The following CTU2 variants were observed in gnomAD, a reference collection of about 807,000 sequenced individuals.
CTU2 encodes the protein cytosolic thiouridylase subunit 2, also known as cytoplasmic tRNA 2-thiolation protein 2.
CTU2 carries 80 observed loss-of-function variants against 64.1 expected under a neutral mutation model. The observed-to-expected ratio is 1.25, with a 90% confidence interval of 1.04 to 1.50. CTU2 has a LOEUF of 1.50. Ranked by LOEUF, CTU2 falls within the 40% of genes most tolerant of loss-of-function variation. CTU2 has a pLI of 0.00. For synonymous variants in CTU2, 482 were observed against 285.3 expected (o/e 1.69, Z -6.95); for missense variants, 1,110 against 690.2 (o/e 1.61, Z -6.81).
At chr16:88,707,777 C>T (rs1188465174) in intron 2 of CTU2, among the ~76,000 whole-genome samples, 10 of 149,634 alleles carry the variant, frequency 6.7e-5, no homozygotes, top group Admixed American at 1.4e-4. Context: ...TCTTAATTCC[C>T]AGTGGTGGTG....
chr16:88,711,904 TC>T (rs1911351291), intron 5 of CTU2, among the ~76,000 whole-genome samples: 1 of 152,192 alleles, frequency 6.6e-6, no homozygotes, highest in Non-Finnish European at 1.5e-5. Flanking sequence ...GCATCACTGT[TC>T]CTGGAATCTA....
chr16:88,706,571 A>G lies in CTU2; in HGVS notation c.41A>G (p.Glu14Gly), dbSNP rs1910847732. 1 of 1,456,278 alleles carries G rather than the reference A, an allele frequency of 6.9e-7. No individual in the cohort carries two copies. Among genetic ancestry groups the G allele is most frequent in the South Asian group, 1.3e-5 (1 of 75,862 alleles). 90.2% of individuals were successfully genotyped at this position (1,456,278 alleles called of 1,614,324 possible). A position where few individuals can be genotyped will look rare whatever the true frequency, so the allele number is the denominator to read the frequency against. ...VGEDYGEPAP[E>G]EPPPAPRPSR... ...GAGGACTACGGGGAGCCGGCGCCTG[A>G]GGAGCCGCCCCCGGCGCCGCGGCCC... Residue 14 changes from glutamate to glycine, a missense_variant, in exon 1 of 15, where the codon GAG becomes GGG. By Grantham distance (98) the Glu-to-Gly change is moderately conservative (BLOSUM62 -2). Transcript: ENST00000453996.
intron 2 of CTU2, chr16:88,709,358 A>G (rs1301322376): frequency 6.5e-6 from 1 of 152,738 alleles, no homozygotes; most frequent in Non-Finnish European, 1.5e-5. Flanking sequence ...TCTGTGAGTG[A>G]GCCTCTTAGC....
At chr16:88,710,376 G>A (rs1911219957) in intron 4 of CTU2, 94 bp downstream of exon 4, 2 of 1,352,858 alleles carry the variant, frequency 1.5e-6, no homozygotes, top group South Asian at 1.2e-5. Flanking sequence ...CTTGGTTGGG[G>A]CTAGAGAGCA....
intron 9 of CTU2, among the ~76,000 whole-genome samples, 178 bp from the exon 10 acceptor site, chr16:88,713,958 G>A (rs1911617718): frequency 6.6e-6 from 1 of 152,180 alleles, no homozygotes; most frequent in African/African-American, 2.4e-5. Flanking sequence ...GGTGACAGGA[G>A]GACCCCACAG....
In CTU2 at chr16:88,706,737, C is replaced by G. The variant is rs966652687; in HGVS notation, c.68+139C>G. 60 of 622,736 alleles carry G rather than the reference C, an allele frequency of 9.6e-5. 1 individual carries two copies. In the South Asian group the frequency reaches 1.4e-3, roughly 15 times the overall value. The allele number at this position is 622,736 out of a possible 1,614,324, so 38.6% of individuals were successfully genotyped here. On this transcript the variant is annotated intron_variant, in intron 1 of 14. Coordinates refer to ENST00000453996, the MANE Select transcript of CTU2 (RefSeq NM_001012759.3). Reference sequence around the variant, plus strand: ...TCGCTCCCTAGCACTCGGGGAATGCCTGTCAAGCGGTGACGGCCACCTAGA... The same window carrying G: ...TCGCTCCCTAGCACTCGGGGAATGCGTGTCAAGCGGTGACGGCCACCTAGA...
At chr16:88,714,794 TC>T (rs1414356695) in intron 12 of CTU2, 57 bp downstream of exon 12, 3 of 1,609,854 alleles carry the variant, frequency 1.9e-6, no homozygotes, top group Non-Finnish European at 2.5e-6. Flanking sequence ...GGGGGACCTG[TC>T]CTTACCCCAC....
Position 88,713,690 on chromosome 16 carries a change from C to A in CTU2, c.917C>A (p.Pro306His). 1 of 1,612,650 alleles carries A rather than the reference C, an allele frequency of 6.2e-7. No homozygotes were observed. The highest frequency in any genetic ancestry group is 8.5e-7 in the Non-Finnish European group (1 of 1,179,892). ...CACGGGGACGTGGTGGTGGTGCGGC[C>A]CATGCGGGACCACACCCTGAAGGAG... ...ERHGDVVVVR[P>H]MRDHTLKEVA... The change falls in exon 9 of 15, where the codon CCC (proline) becomes CAC (histidine). Residue 306 changes from proline (P) to histidine (H), a missense_variant. Transcript: ENST00000453996.
At position 88,714,615 on chromosome 16, in the gene CTU2, C is replaced by G; in HGVS notation, c.1230C>G (p.Thr410=). ...GTGCCACGGCTTTTGGGGCTCAGAC[C>G]TCCTCGCGTCTCTCCCAGATGCAGT... ...ADSATAFGAQ[T]SSRLSQMQSP... The change falls in exon 12 of 15, where the codon ACC becomes ACG. Residue 410 remains threonine, a synonymous_variant. Coordinates refer to ENST00000453996, the MANE Select transcript of CTU2 (RefSeq NM_001012759.3). The G allele has an allele frequency of 6.2e-7, 1 of 1,612,600 alleles. No individual in the cohort carries two copies. The highest frequency in any genetic ancestry group is 8.5e-7 in the Non-Finnish European group (1 of 1,179,870).
At position 88,712,661 on chromosome 16, in the gene CTU2, C is replaced by T. The variant is rs1387311173; in HGVS notation, c.493C>T (p.Gln165Ter). Residue 165 changes from glutamine to a stop codon, truncating the protein, a stop_gained, in exon 7 of 15, where the codon CAG becomes TAG. Transcript: ENST00000453996. LOFTEE classifies it high-confidence loss of function. Reference sequence around the variant, plus strand: ...ACCGTCGGTGCTTTGGTGCTCTGCCCAGGAGCTGGTGGGATCCGAGGGGGC... The same window carrying T: ...ACCGTCGGTGCTTTGGTGCTCTGCCTAGGAGCTGGTGGGATCCGAGGGGGC... The part of the protein sequence containing the change: ...LPPSVLWCSA[Q>*]ELVGSEGAYK... 4 of 1,610,618 alleles carry T rather than the reference C, an allele frequency of 2.5e-6. No homozygotes were observed. Among genetic ancestry groups the T allele is most frequent in the Non-Finnish European group, 3.4e-6 (4 of 1,179,588 alleles).
At chr16:88,708,248 T>C (rs1271145734) in intron 2 of CTU2, among the ~76,000 whole-genome samples, 2 of 152,208 alleles carry the variant, frequency 1.3e-5, no homozygotes, top group African/African-American at 4.8e-5. Flanking sequence ...TTTGCTGTGC[T>C]TGCTGGTCCC....
chr16:88,712,727 G>A lies in CTU2; in HGVS notation c.559G>A (p.Val187Met), dbSNP rs1911438749. 3.1e-6 allele frequency: 5 copies of A among 1,609,448 alleles called. No individual in the cohort carries two copies. The highest frequency in any genetic ancestry group is 1.3e-5 in the African/African-American group (1 of 74,810). Residue 187 changes from valine (V) to methionine (M), a missense_variant, in exon 7 of 15, where the codon GTG (valine) becomes ATG (methionine). Transcript: ENST00000453996. ...AVDSFLQQQH[V>M]LGAGGGPGPT... The stretch of plus-strand genomic sequence containing the variant: ...GGACAGCTTCCTCCAGCAGCAGCAT[G>A]TGCTGGGGGCCGGGGGTGGTCCTGG...
rs1597431209 is a variant in CTU2, at chr16:88,713,376, T to C, written c.802T>C (p.Cys268Arg). The C allele has an allele frequency of 3.1e-6, 5 of 1,604,750 alleles. No homozygotes were observed. The East Asian group carries it at 1.1e-4, about 37-fold the overall frequency. Reference protein sequence around the residue: ...GYSKVMTGDSCTRLAIKLMTN... With the variant: ...GYSKVMTGDSRTRLAIKLMTN... ...CTCCAAGGTCATGACTGGGGACAGC[T>C]GCACACGCTTGGCTATCAAGCTCAT... Residue 268 changes from cysteine (C) to arginine (R), a missense_variant, in exon 8 of 15, where the codon TGC becomes CGC. By Grantham distance (180) the Cys-to-Arg change is radical. Coordinates refer to ENST00000453996, the MANE Select transcript of CTU2 (RefSeq NM_001012759.3).
At position 88,706,955 on chromosome 16, in the gene CTU2, C is replaced by T. The variant is rs1910903118; in HGVS notation, c.69-181C>T. Reference sequence around the variant, plus strand: ...CCGGCTTTTCTAGGCTAAACATCCCCCCAGAGCCTTTGTTTTTCTTGAAGT... The same window carrying T: ...CCGGCTTTTCTAGGCTAAACATCCCTCCAGAGCCTTTGTTTTTCTTGAAGT... On this transcript the variant is annotated intron_variant, in intron 1 of 14. Transcript: ENST00000453996. 19 of 640,776 alleles carry T rather than the reference C, an allele frequency of 3.0e-5. No homozygotes were observed. In the South Asian group the frequency reaches 3.5e-4, roughly 12 times the overall value. The allele number at this position is 640,776 out of a possible 1,614,324, so 39.7% of individuals were successfully genotyped here.
rs977643168 is a variant in CTU2 at position 88,712,801 on chromosome 16, G to C, written c.633G>C (p.Gln211His). Residue 211 changes from glutamine to histidine, a missense_variant, in exon 7 of 15, where the codon CAG becomes CAC. By Grantham distance (24) the Gln-to-His change is conservative. Transcript: ENST00000453996. ...EQPPQPPLDP[Q>H]NLARPPAPAQ... ...CACCCCAGCCCCCGCTGGACCCCCA[G>C]AACCTGGCAAGACCGCCTGCCCCTG... 18 of 1,607,808 alleles carry C rather than the reference G, an allele frequency of 1.1e-5. No individual in the cohort carries two copies. The highest frequency in any genetic ancestry group is 1.4e-5 in the Non-Finnish European group (17 of 1,177,836).
rs1284072828 is a variant in CTU2 at position 88,714,885 on chromosome 16, G to C, written c.1378G>C (p.Glu460Gln). Reference protein sequence around the residue: ...RREDPQACIEEQLCYSCRVNM... With the variant: ...RREDPQACIEQQLCYSCRVNM... The stretch of plus-strand genomic sequence containing the variant: ...GGAGGACCCCCAAGCCTGCATTGAG[G>C]AGCAGCTGTGCTACAGCTGCCGCGT... Residue 460 changes from glutamate (E) to glutamine (Q), a missense_variant, in exon 13 of 15, where the codon GAG (glutamate) becomes CAG (glutamine). Physicochemically the swap from Glu to Gln is conservative, Grantham distance 29 (BLOSUM62 2). Coordinates refer to ENST00000453996, the MANE Select transcript of CTU2 (RefSeq NM_001012759.3). The C allele has an allele frequency of 3.1e-6, 5 of 1,612,526 alleles. No homozygotes were observed. The highest frequency in any genetic ancestry group is 4.2e-6 in the Non-Finnish European group (5 of 1,179,902).
rs536542259 is a variant in CTU2 at position 88,714,713 on chromosome 16, G to T, written c.1328G>T (p.Arg443Leu). The T allele has an allele frequency of 6.2e-7, 1 of 1,609,626 alleles. No individual in the cohort carries two copies. The highest frequency in any genetic ancestry group is 8.5e-7 in the Non-Finnish European group (1 of 1,178,410). The change falls in exon 12 of 15, where the codon CGC (arginine) becomes CTC (leucine). Residue 443 changes from arginine (R) to leucine (L), a missense_variant. Coordinates refer to ENST00000453996, the MANE Select transcript of CTU2 (RefSeq NM_001012759.3). The part of the protein sequence containing the change: ...CCSPGVGWAQ[R>L]CGQGACRRED... ...TCTCCAGGGGTGGGCTGGGCCCAGC[G>T]CTGTGGCCAGGGGGCCTGCAGGAGG... is the stretch of plus-strand genomic sequence containing the variant.
At chr16:88,706,845 C>G in intron 1 of CTU2, 1 of 553,762 alleles carries the variant, frequency 1.8e-6, no homozygotes, top group South Asian at 2.5e-5. Flanking sequence ...TGTCCTTATT[C>G]GGAGAGAACT....
At chr16:88,712,054 C>T (rs1054483400) in intron 5 of CTU2, 15 of 681,342 alleles carry the variant, frequency 2.2e-5, no homozygotes, top group Non-Finnish European at 3.5e-5. Context: ...GACCCTTGCT[C>T]CTGCAGAACG....
Sources: allele counts gnomAD v4.1 joint callset (sites outside exome capture counted in the v4.1 genomes callset), GRCh38; gene constraint gnomAD v4.1.1; transcripts MANE v1.5; gene names NCBI Gene and HGNC (gene_info 2026-07-23, HGNC 2026-07-21).